The following CDC5L variants were observed in gnomAD, a reference collection of about 807,000 sequenced individuals.
The protein encoded by CDC5L is cell division cycle 5 like.
A neutral mutation model predicts 104.1 loss-of-function variants in CDC5L; 18 were observed. The observed-to-expected ratio is 0.17, with a 90% CI of 0.12 to 0.26. CDC5L has a LOEUF of 0.26. Ranked by LOEUF, CDC5L falls within the 10% of genes least tolerant of loss-of-function variation. The probability of loss-of-function intolerance (pLI) is 1.00; values close to 1 mark genes in which losing one functional copy is unlikely to be tolerated. For missense variants in CDC5L, 673 were observed against 956.9 expected, an observed-to-expected ratio of 0.70 and a Z score of 3.91; for synonymous variants, 331 against 322.7, an observed-to-expected ratio of 1.03 and a Z score of -0.28.
intron 3 of CDC5L, 131 bp downstream of exon 3, chr6:44,392,959 A>G: frequency 2.9e-6 from 2 of 684,328 alleles, no homozygotes; most frequent in South Asian, 5.3e-5. Context: ...AAGCCATTGG[A>G]TAATATTTTC....
At chr6:44,434,099 C>G (rs1182171915) in intron 14 of CDC5L, among the ~76,000 whole-genome samples, 1 of 152,294 alleles carries the variant, frequency 6.6e-6, no homozygotes, top group Non-Finnish European at 1.5e-5. Flanking sequence ...TAGGCACTGA[C>G]AGATTTCGTA....
At chr6:44,412,908 A>G (rs1386484054) in intron 8 of CDC5L, among the ~76,000 whole-genome samples, 2 of 146,626 alleles carry the variant, frequency 1.4e-5, no homozygotes, top group African/African-American at 2.5e-5. Context: ...TCAGCCTCCC[A>G]AGTAGCTGGG....
At chr6:44,416,805 C>T (rs1791927844) in intron 8 of CDC5L, among the ~76,000 whole-genome samples, 1 of 152,156 alleles carries the variant, frequency 6.6e-6, no homozygotes. Flanking sequence ...TTTCACGTCA[C>T]CCACTCTTCC....
At chr6:44,439,290 A>G (rs1011526050) in intron 14 of CDC5L, among the ~76,000 whole-genome samples, 37 of 152,130 alleles carry the variant, frequency 2.4e-4, no homozygotes, top group Admixed American at 1.2e-3. Flanking sequence ...ACTTTTACCT[A>G]TTATGAATAA....
chr6:44,436,903 G>T (rs890725909), intron 14 of CDC5L, among the ~76,000 whole-genome samples: 1 of 151,940 alleles, frequency 6.6e-6, no homozygotes, highest in Non-Finnish European at 1.5e-5. Context: ...ATCAAGTGTC[G>T]GTCTACTTTA....
At chr6:44,405,252 G>C (rs1343771376) in intron 6 of CDC5L, among the ~76,000 whole-genome samples, 1 of 151,856 alleles carries the variant, frequency 6.6e-6, no homozygotes, top group Non-Finnish European at 1.5e-5. Flanking sequence ...CATTTCTGTT[G>C]ACATGAATTG....
chr6:44,393,637 T>G, intron 4 of CDC5L, 64 bp downstream of exon 4: 2 of 1,510,616 alleles, frequency 1.3e-6, no homozygotes, highest in Non-Finnish European at 1.8e-6. Flanking sequence ...CCTCACTCTT[T>G]TAGTTCCTTT....
intron 11 of CDC5L, among the ~76,000 whole-genome samples, chr6:44,424,945 T>C (rs1056262114): frequency 5.9e-5 from 9 of 152,154 alleles, no homozygotes; most frequent in South Asian, 2.1e-4. Context: ...GGTGGTGCGA[T>C]GTACGAGCCT....
At chr6:44,424,325 C>A in intron 10 of CDC5L, 94 bp from the exon 11 acceptor site, 1 of 1,043,712 alleles carries the variant, frequency 9.6e-7, no homozygotes, top group Non-Finnish European at 1.4e-6. Flanking sequence ...TGACTAGAGT[C>A]ACCCTGTTGT....
At chr6:44,445,559 G>A (rs1793409768) in intron 14 of CDC5L, 96 bp from the exon 15 acceptor site, 8 of 764,732 alleles carry the variant, frequency 1.0e-5, no homozygotes, top group South Asian at 9.2e-5. Flanking sequence ...TTTTTGCTTT[G>A]AGACACATAC....
chr6:44,448,581 C>T lies in CDC5L; in HGVS notation c.*1870C>T, dbSNP rs1017444985. On this transcript the variant is annotated 3_prime_UTR_variant, in exon 16 of 16. Coordinates refer to ENST00000371477, the MANE Select transcript of CDC5L (RefSeq NM_001253.4). ...GTATATACTTAATAGTCTTATCAGACGATAAATTGATATTTTCCTGGTGTG... is the reference window on the plus strand; with the variant it reads ...GTATATACTTAATAGTCTTATCAGATGATAAATTGATATTTTCCTGGTGTG... 2.0e-5 allele frequency: 3 copies of T among 152,068 alleles called. No individual in the cohort carries two copies. Among genetic ancestry groups the T allele is most frequent in the Non-Finnish European group, 2.9e-5 (2 of 68,018 alleles). The allele number at this position is 152,068 out of a possible 1,614,324, so 9.4% of individuals were successfully genotyped here. A position where few individuals can be genotyped will look rare whatever the true frequency, so the allele number is the denominator to read the frequency against.
At chr6:44,446,331 G>T (rs1277487936) in intron 15 of CDC5L, among the ~76,000 whole-genome samples, 1 of 152,216 alleles carries the variant, frequency 6.6e-6, no homozygotes, top group Non-Finnish European at 1.5e-5. Context: ...CAGCTAAAGG[G>T]CAGTCAGGGC....
At chr6:44,397,873 T>C (rs1045596606) in intron 5 of CDC5L, among the ~76,000 whole-genome samples, 1 of 152,230 alleles carries the variant, frequency 6.6e-6, no homozygotes, top group Non-Finnish European at 1.5e-5. Flanking sequence ...ATGATTGATA[T>C]CAGTTCTAAT....
In CDC5L at chr6:44,387,801, T is replaced by G; in HGVS notation, c.-23T>G. 6.4e-7 allele frequency: 1 copy of G among 1,554,558 alleles called. No individual in the cohort carries two copies. The highest frequency in any genetic ancestry group is 8.7e-7 in the Non-Finnish European group (1 of 1,147,860). On this transcript the variant is annotated 5_prime_UTR_variant, in exon 1 of 16. Transcript: ENST00000371477. ...TTCTCTGAAGCTCCTCTCGGCTGCT[T>G]GCCGAGACACCCTGCCGCCAAGATG...
chr6:44,443,763 T>A (rs1793319873), intron 14 of CDC5L, among the ~76,000 whole-genome samples: 1 of 152,064 alleles, frequency 6.6e-6, no homozygotes, highest in Non-Finnish European at 1.5e-5. Context: ...TCGGTGAGCA[T>A]CTTTGTGACC....
intron 9 of CDC5L, among the ~76,000 whole-genome samples, chr6:44,420,768 G>A (rs9369483): frequency 0.97 from 147,740 of 152,294 alleles, 71,684 homozygotes; most frequent in East Asian, 1. Flanking sequence ...GTATAATGCA[G>A]TTATCCCCAA....
intron 9 of CDC5L, among the ~76,000 whole-genome samples, chr6:44,420,542 G>C (rs1792120931): frequency 6.6e-6 from 1 of 152,000 alleles, no homozygotes; most frequent in Non-Finnish European, 1.5e-5. Context: ...ATTTTTAGTA[G>C]AGACAGGGTT....
At chr6:44,433,529 GT>G (rs1792784227) in intron 14 of CDC5L, among the ~76,000 whole-genome samples, 1 of 152,152 alleles carries the variant, frequency 6.6e-6, no homozygotes, top group Non-Finnish European at 1.5e-5. Flanking sequence ...AAACTGCTGT[GT>G]TGAGGAAGTT....
At chr6:44,436,406 G>A (rs1490317551) in intron 14 of CDC5L, among the ~76,000 whole-genome samples, 3 of 138,792 alleles carry the variant, frequency 2.2e-5, no homozygotes, top group African/African-American at 9.2e-5. Context: ...ATTTTGGTTA[G>A]CGTAAATAGA....
Sources: allele counts gnomAD v4.1 joint callset (sites outside exome capture counted in the v4.1 genomes callset), GRCh38; gene constraint gnomAD v4.1.1; transcripts MANE v1.5; gene names NCBI Gene and HGNC (gene_info 2026-07-23, HGNC 2026-07-21).